MAGED2: variants seen among roughly 807,000 people sequenced by gnomAD.
MAGED2 encodes melanoma-associated antigen D2.
MAGED2 carries 6 observed loss-of-function variants against 41.7 expected under a neutral mutation model. The observed-to-expected ratio is 0.14, with a 90% CI of 0.08 to 0.28. MAGED2 has a LOEUF of 0.28. Among genes scored for constraint, MAGED2 ranks in the 10% least tolerant of loss-of-function variants. The pLI, the probability that MAGED2 is intolerant of heterozygous loss-of-function variation, is 1.00. For missense variants in MAGED2, 343 were observed against 486.4 expected (o/e 0.71, Z 2.77); for synonymous variants, 146 against 178.2 (o/e 0.82, Z 1.44).
rs987381464 is a variant in MAGED2, at chrX:54,809,295, C to A, written c.-29-8C>A. Reference sequence around the variant, plus strand: ...GCTTCAACTTGACCCAGGCCTTCTCCCCTTCAGGCTCAGCTCTTGCCAGGC... The same window carrying A: ...GCTTCAACTTGACCCAGGCCTTCTCACCTTCAGGCTCAGCTCTTGCCAGGC... On this transcript the variant is annotated splice_polypyrimidine_tract_variant and splice_region_variant and intron_variant, in intron 1 of 12. Coordinates refer to ENST00000375068, the MANE Select transcript of MAGED2 (RefSeq NM_177433.3). The A allele has an allele frequency of 4.2e-6, 5 of 1,203,667 alleles. No homozygotes were observed. The highest frequency in any genetic ancestry group is 2.2e-5 in the Admixed American group (1 of 45,783).
intron 4 of MAGED2, 28 bp from the exon 5 acceptor site, chrX:54,811,222 G>A (rs772275421): frequency 1.1e-5 from 13 of 1,207,361 alleles, no homozygotes; most frequent in Admixed American, 2.2e-5. Context: ...ACTTGTTTTG[G>A]TCTTTCCATC....
Position 54,809,253 on chromosome X carries a change from G to T in MAGED2, c.-29-50G>T, listed in dbSNP as rs41309825. Reference sequence around the variant, plus strand: ...GGATCAGCCTCCAGGCACAACAGGGGAGAGGACGTTCAGTGGGCTTCAACT... The same window carrying T: ...GGATCAGCCTCCAGGCACAACAGGGTAGAGGACGTTCAGTGGGCTTCAACT... On this transcript the variant is annotated intron_variant, in intron 1 of 12. Coordinates refer to ENST00000375068, the MANE Select transcript of MAGED2 (RefSeq NM_177433.3). The T allele has an allele frequency of 0.018, 18,864 of 1,021,108 alleles. 155 individuals are homozygous for T. The highest frequency in any genetic ancestry group is 0.023 in the Non-Finnish European group (16,649 of 725,015). The allele number at this position is 1,021,108 out of a possible 1,213,427, so 84.2% of individuals were successfully genotyped here. A position where few individuals can be genotyped will look rare whatever the true frequency, so the allele number is the denominator to read the frequency against.
intron 8 of MAGED2, 29 bp downstream of exon 8, chrX:54,813,053 G>C: frequency 8.3e-7 from 1 of 1,211,465 alleles, no homozygotes; most frequent in South Asian, 1.8e-5. Flanking sequence ...AGCTGAATGG[G>C]TGGCTGTGGT....
chrX:54,813,343 TCA>T (rs1929863585), intron 9 of MAGED2, 143 bp from the exon 10 acceptor site: 4 of 839,473 alleles, frequency 4.8e-6, no homozygotes, highest in Non-Finnish European at 6.7e-6. Flanking sequence ...GCTCCCTCTC[TCA>T]GTGTCTCTTG....
chrX:54,815,458 G>C lies in MAGED2; in HGVS notation c.1597G>C (p.Ala533Pro). 8.3e-7 allele frequency: 1 copy of C among 1,203,760 alleles called. No homozygotes were observed. The highest frequency in any genetic ancestry group is 1.1e-6 in the Non-Finnish European group (1 of 890,951). The change falls in exon 12 of 13, where the codon GCG becomes CCG. Residue 533 changes from alanine (A) to proline (P), a missense_variant. Ala to Pro is a conservative substitution (Grantham distance 27). Coordinates refer to ENST00000375068, the MANE Select transcript of MAGED2 (RefSeq NM_177433.3). ...IGPWAKARIQAGAEAKAKAQE... is the reference protein window; with the variant it reads ...IGPWAKARIQPGAEAKAKAQE... ...ACCCTGGGCCAAAGCCCGGATCCAG[G>C]CGGGAGCAGAAGCTAAAGCCAAAGC...
chrX:54,809,277 C>G (rs1272081180), intron 1 of MAGED2, 26 bp from the exon 2 acceptor site: 14 of 1,180,555 alleles, frequency 1.2e-5, no homozygotes, highest in Non-Finnish European at 6.9e-6. Context: ...TGGGCTTCAA[C>G]TTGACCCAGG....
intron 10 of MAGED2, chrX:54,814,248 T>C (rs1344376112): frequency 6.5e-6 from 2 of 309,930 alleles, no homozygotes; most frequent in South Asian, 6.2e-5. Flanking sequence ...ACACAAAGGG[T>C]CAGGAATTCA....
At chrX:54,810,310 G>T in intron 3 of MAGED2, 97 bp downstream of exon 3, 2 of 520,525 alleles carry the variant, frequency 3.8e-6, no homozygotes, top group Non-Finnish European at 6.0e-6. Context: ...TGCTCATCAG[G>T]GCTGTGGGGG....
chrX:54,808,327 G>C (rs1462500291), intron 1 of MAGED2: 1 of 111,520 alleles, frequency 9.0e-6, no homozygotes, highest in African/African-American at 3.3e-5. Flanking sequence ...CCCCTAGGGA[G>C]GCGGAAAGGG....
At chrX:54,813,806 C>T (rs371342353) in intron 10 of MAGED2, among the ~76,000 whole-genome samples, 11 of 111,993 alleles carry the variant, frequency 9.8e-5, no homozygotes, top group Non-Finnish European at 1.7e-4. Context: ...CATCATTGTA[C>T]GTATGCAGAA....
At chrX:54,810,317 G>A in intron 3 of MAGED2, 104 bp downstream of exon 3, 1 of 510,698 alleles carries the variant, frequency 2.0e-6, no homozygotes, top group Non-Finnish European at 3.1e-6. Flanking sequence ...CAGGGCTGTG[G>A]GGGGCACTGA....
chrX:54,811,113 C>G lies in MAGED2; in HGVS notation c.830C>G (p.Ala277Gly), dbSNP rs1400604565. The G allele has an allele frequency of 1.2e-5, 14 of 1,194,979 alleles. No homozygotes were observed. Among genetic ancestry groups the G allele is most frequent in the Non-Finnish European group, 1.6e-5 (14 of 886,136 alleles). ...EPEAPPPRDV[A>G]LLQGRANDLV... ...GAAGCACCACCACCTCGGGATGTGG[C>G]CCTTTTGCAAGGGAGGGTAAGAACT... Residue 277 changes from alanine to glycine, a missense_variant, in exon 4 of 13, where the codon GCC (alanine) becomes GGC (glycine). Ala to Gly is a moderately conservative substitution (Grantham distance 60). This residue lies in a region of MAGED2 where 195 missense variants were observed against 221.2 expected (regional missense o/e 0.88). Coordinates refer to ENST00000375068, the MANE Select transcript of MAGED2 (RefSeq NM_177433.3).
At chrX:54,810,320 G>A in intron 3 of MAGED2, 107 bp downstream of exon 3, 2 of 488,254 alleles carry the variant, frequency 4.1e-6, no homozygotes, top group Non-Finnish European at 3.3e-6. Flanking sequence ...GGCTGTGGGG[G>A]GCACTGAGAG....
intron 10 of MAGED2, among the ~76,000 whole-genome samples, chrX:54,813,969 A>G (rs376633324): frequency 2.1e-4 from 24 of 112,570 alleles, no homozygotes; most frequent in East Asian, 8.4e-4. Context: ...AATGACATAG[A>G]ATGGTAGCTT....
Position 54,815,961 on chromosome X carries a change from C to A in MAGED2, c.*89C>A. 3.4e-6 allele frequency: 1 copy of A among 290,427 alleles called. No homozygotes were observed. Among genetic ancestry groups the A allele is most frequent in the Non-Finnish European group, 6.0e-6 (1 of 165,986 alleles). 23.9% of individuals were successfully genotyped at this position (290,427 alleles called of 1,213,427 possible). On this transcript the variant is annotated 3_prime_UTR_variant, in exon 13 of 13. Transcript: ENST00000375068. ...TACTCAACACAGCACTCTAGGCAGCCACTATCAATCAATTGAAGTTGACAC... is the reference window on the plus strand; with the variant it reads ...TACTCAACACAGCACTCTAGGCAGCAACTATCAATCAATTGAAGTTGACAC...
intron 10 of MAGED2, 146 bp from the exon 11 acceptor site, chrX:54,814,515 G>A (rs1268236790): frequency 1.8e-6 from 1 of 557,611 alleles, no homozygotes; most frequent in Admixed American, 2.2e-5. Context: ...GTGGCTTCTG[G>A]GCAAGACCAG....
At chrX:54,812,691 C>G (rs1223122666) in intron 7 of MAGED2, among the ~76,000 whole-genome samples, 1 of 112,137 alleles carries the variant, frequency 8.9e-6, no homozygotes, top group African/African-American at 3.2e-5. Context: ...TTGTGTTGTA[C>G]CAGGTTGGCA....
At position 54,813,465 on chromosome X, in the gene MAGED2, T is replaced by G. The variant is rs764400186; in HGVS notation, c.1209-23T>G. 6.8e-6 allele frequency: 8 copies of G among 1,176,886 alleles called. No homozygotes were observed. The Admixed American group carries it at 1.7e-4, about 26-fold the overall frequency. ...CCTTGAGTGAATTTATTTGTTTATTTATTTTTCTTTTTCTTCTCTCAGGAT... is the reference window on the plus strand; with the variant it reads ...CCTTGAGTGAATTTATTTGTTTATTGATTTTTCTTTTTCTTCTCTCAGGAT... On this transcript the variant is annotated intron_variant, in intron 9 of 12. Coordinates refer to ENST00000375068, the MANE Select transcript of MAGED2 (RefSeq NM_177433.3).
chrX:54,809,923 G>C lies in MAGED2; in HGVS notation c.247G>C (p.Ala83Pro). Residue 83 changes from alanine to proline, a missense_variant, in exon 3 of 13, where the codon GCC becomes CCC. Physicochemically the swap from Ala to Pro is conservative, Grantham distance 27. Transcript: ENST00000375068. ...PEAREAPATQASSTTQLTDTQ... is the reference protein window; with the variant it reads ...PEAREAPATQPSSTTQLTDTQ... ...GGCTCGGGAGGCACCTGCCACCCAG[G>C]CCTCATCTACTACTCAGCTGACTGA... 8.3e-7 allele frequency: 1 copy of C among 1,199,575 alleles called. No individual in the cohort carries two copies. Among genetic ancestry groups the C allele is most frequent in the Non-Finnish European group, 1.1e-6 (1 of 889,121 alleles).
Sources: allele counts gnomAD v4.1 joint callset (sites outside exome capture counted in the v4.1 genomes callset), GRCh38; gene constraint gnomAD v4.1.1; regional missense constraint gnomAD v4.1.1; transcripts MANE v1.5; gene names NCBI Gene and HGNC (gene_info 2026-07-23, HGNC 2026-07-21).